Variants in FGF13 observed in about 807,000 individuals in gnomAD.
The protein encoded by FGF13 is fibroblast growth factor homologous factor 2.
FGF13 carries 2 observed loss-of-function variants against 19.5 expected under a neutral mutation model. The ratio of observed to expected loss-of-function variants is 0.10; its 90% CI spans 0.04 to 0.32. FGF13 has a LOEUF of 0.32. Among genes scored for constraint, FGF13 ranks in the 10% least tolerant of loss-of-function variants. FGF13 has a pLI of 1.00. For missense variants in FGF13, 113 were observed against 192.7 expected (o/e 0.59, Z 2.45); for synonymous variants, 72 against 76.9 (o/e 0.94, Z 0.33).
intron 1 of FGF13, among the ~76,000 whole-genome samples, chrX:139,080,529 G>A (rs1603187910): frequency 9.0e-6 from 1 of 111,519 alleles, no homozygotes; most frequent in Admixed American, 9.6e-5. Context: ...CCTCTGTCAC[G>A]TATCTTTGGC....
intron 1 of FGF13, among the ~76,000 whole-genome samples, chrX:139,152,680 AT>A (rs1228791579): frequency 9.0e-6 from 1 of 111,060 alleles, no homozygotes; most frequent in African/African-American, 3.3e-5. Flanking sequence ...GGGGAAAAAA[AT>A]CAAATCTCTT....
At chrX:139,095,847 G>A (rs1411380050) in intron 1 of FGF13, among the ~76,000 whole-genome samples, 1 of 112,051 alleles carries the variant, frequency 8.9e-6, no homozygotes, top group African/African-American at 3.2e-5. Flanking sequence ...CATTTGTTAG[G>A]TAACAGGGAA....
chrX:138,921,111 G>A (rs2091642468), intron 1 of FGF13, among the ~76,000 whole-genome samples: 1 of 111,640 alleles, frequency 9.0e-6, no homozygotes, highest in South Asian at 3.7e-4. Flanking sequence ...AAAAGTCTCA[G>A]TCTGGTGCCA....
chrX:138,903,296 T>G (rs930618698), intron 1 of FGF13, among the ~76,000 whole-genome samples: 1 of 111,438 alleles, frequency 9.0e-6, no homozygotes, highest in Middle Eastern at 4.2e-3. Flanking sequence ...TCCAGGAAAA[T>G]GATTTCTTAT....
intron 1 of FGF13, among the ~76,000 whole-genome samples, chrX:138,957,570 T>C (rs2091847132): frequency 9.0e-6 from 1 of 111,456 alleles, no homozygotes; most frequent in Non-Finnish European, 1.9e-5. Context: ...ATTGGTAGCT[T>C]GATGGGGATG....
At chrX:138,717,860 G>A (rs1348231596) in intron 1 of FGF13, among the ~76,000 whole-genome samples, 7 of 111,035 alleles carry the variant, frequency 6.3e-5, no homozygotes, top group African/African-American at 2.3e-4. Flanking sequence ...TGATCCTCCC[G>A]CCTTGGCCTC....
chrX:138,979,748 T>C (rs1199912578), intron 1 of FGF13, among the ~76,000 whole-genome samples: 3 of 111,477 alleles, frequency 2.7e-5, no homozygotes, highest in South Asian at 3.8e-4. Flanking sequence ...GAAATATTGA[T>C]GAGGCAGTGC....
At chrX:138,885,682 T>C (rs1392134515) in intron 1 of FGF13, among the ~76,000 whole-genome samples, 1 of 106,422 alleles carries the variant, frequency 9.4e-6, no homozygotes, top group Non-Finnish European at 1.9e-5. Flanking sequence ...TGTCATCTTC[T>C]CCATGAGGGC....
intron 1 of FGF13, among the ~76,000 whole-genome samples, chrX:139,002,033 C>A (rs1162488950): frequency 1.8e-5 from 2 of 111,400 alleles, no homozygotes; most frequent in Non-Finnish European, 3.8e-5. Flanking sequence ...AGTTCATGTC[C>A]TTTGCAGGGA....
chrX:138,906,320 T>C (rs930070361), intron 1 of FGF13, among the ~76,000 whole-genome samples: 11 of 112,485 alleles, frequency 9.8e-5, no homozygotes, highest in Middle Eastern at 4.6e-3. Flanking sequence ...TAATTATTAA[T>C]TGCTCTTGTC....
At chrX:138,675,016 G>A (rs1209988528) in intron 3 of FGF13, among the ~76,000 whole-genome samples, 1 of 111,627 alleles carries the variant, frequency 9.0e-6, no homozygotes, top group African/African-American at 3.3e-5. Context: ...GTGCAATCAA[G>A]GGAGAACTAA....
chrX:139,109,180 G>T (rs1027439715), intron 1 of FGF13, among the ~76,000 whole-genome samples: 6 of 111,718 alleles, frequency 5.4e-5, no homozygotes, highest in Non-Finnish European at 9.4e-5. Context: ...GGACAATATG[G>T]TGAGGGCACC....
At chrX:139,093,010 T>C (rs1273615205) in intron 1 of FGF13, among the ~76,000 whole-genome samples, 1 of 108,390 alleles carries the variant, frequency 9.2e-6, no homozygotes, top group Non-Finnish European at 1.9e-5. Context: ...AGACTAAAAA[T>C]GGAACCACCA....
chrX:138,874,511 A>G (rs977692008), intron 1 of FGF13, among the ~76,000 whole-genome samples: 9 of 111,657 alleles, frequency 8.1e-5, no homozygotes, highest in African/African-American at 2.9e-4. Context: ...TATATGAGAT[A>G]TTCTAAGCTA....
At chrX:139,028,709 G>GT (rs1491486936) in intron 1 of FGF13, among the ~76,000 whole-genome samples, 5 of 55,293 alleles carry the variant, frequency 9.0e-5, no homozygotes, top group Non-Finnish European at 1.4e-4. Context: ...GTGTGTGTGT[G>GT]AGAGAGAGAG....
intron 1 of FGF13, among the ~76,000 whole-genome samples, chrX:138,739,032 A>AC (rs1349214348): frequency 9.0e-6 from 1 of 110,707 alleles, no homozygotes; most frequent in Non-Finnish European, 1.9e-5. Context: ...CCCAGAAAAA[A>AC]AAAAATGATG....
chrX:138,710,696 A>G, intron 1 of FGF13, 121 bp downstream of exon 1: 2 of 1,093,328 alleles, frequency 1.8e-6, no homozygotes, highest in Non-Finnish European at 1.2e-6. Flanking sequence ...CACACAGGCT[A>G]GGTGGCCTCT....
At chrX:139,114,998 T>C (rs1172489583) in intron 1 of FGF13, among the ~76,000 whole-genome samples, 1 of 111,926 alleles carries the variant, frequency 8.9e-6, no homozygotes, top group African/African-American at 3.2e-5. Context: ...TCATGTTAAG[T>C]CTCTGAGCTC....
At chrX:139,074,982 AG>A (rs10711504) in intron 1 of FGF13, among the ~76,000 whole-genome samples, 54,521 of 110,303 alleles carry the variant, frequency 0.49, 10,003 homozygotes, top group Middle Eastern at 0.6. Flanking sequence ...AAGCTCCATC[AG>A]TGAAGTTCGC....
Sources: gnomAD v4.1 joint callset for allele counts (sites outside exome capture counted in the v4.1 genomes callset) on GRCh38, gnomAD v4.1.1 for gene constraint, MANE v1.5 for transcripts, NCBI Gene and HGNC (gene_info 2026-07-23, HGNC 2026-07-21) for gene names.